Variants in FANCD2 observed in about 807,000 individuals in gnomAD.
The protein encoded by FANCD2 is FA complementation group D2.
Under a neutral mutation model 192.3 loss-of-function variants are expected in FANCD2, and 131 were observed. The observed-to-expected ratio is 0.68, with a 90% confidence interval of 0.59 to 0.79. The LOEUF is 0.79. FANCD2 is among the 30% of genes least tolerant of loss of function. The pLI is 0.00. For missense variants in FANCD2, 1,508 were observed against 1,701.6 expected (o/e 0.89, Z 2.00); for synonymous variants, 524 against 612.5 (o/e 0.86, Z 2.13).
chr3:10,032,803 C>T (rs368366938), intron 2 of FANCD2, 29 bp from the exon 3 acceptor site: 14 of 1,596,514 alleles, frequency 8.8e-6, no homozygotes, highest in Admixed American at 6.7e-5. Context: ...TACTATTTGC[C>T]ATATTCTTGA....
intron 9 of FANCD2, 197 bp downstream of exon 9, chr3:10,040,042 T>TC (rs1274793879): frequency 1.6e-6 from 1 of 619,164 alleles, no homozygotes; most frequent in East Asian, 2.8e-5. Context: ...TCTTTTTTTT[T>TC]TTTTTTTTTT....
chr3:10,078,265 A>C, intron 30 of FANCD2, 68 bp downstream of exon 30: 1 of 1,061,368 alleles, frequency 9.4e-7, no homozygotes. Flanking sequence ...ATTATGATGA[A>C]AAAGTTGTCA....
chr3:10,039,931 G>A (rs1319158123), intron 9 of FANCD2, 86 bp downstream of exon 9: 2 of 1,514,232 alleles, frequency 1.3e-6, no homozygotes, highest in Non-Finnish European at 1.8e-6. Flanking sequence ...TAGTAATATG[G>A]TCTCTTCTAT....
In FANCD2 at chr3:10,063,920, A is replaced by G. The variant is rs2087640562; in HGVS notation, c.1947+9A>G. The G allele has an allele frequency of 1.2e-6, 2 of 1,614,122 alleles. No individual in the cohort carries two copies. Among genetic ancestry groups the G allele is most frequent in the African/African-American group, 2.7e-5 (2 of 74,950 alleles). On this transcript the variant is annotated intron_variant, in intron 21 of 43. Coordinates refer to ENST00000675286, the MANE Select transcript of FANCD2 (RefSeq NM_001018115.3). ...TGGATCCAAAAGCCCTGGTAAAGCC[A>G]ATTGTCTTTTCTTAAAGCAATAAAG...
At chr3:10,040,258 G>C (rs1042864247) in intron 9 of FANCD2, 4 of 322,772 alleles carry the variant, frequency 1.2e-5, no homozygotes, top group African/African-American at 6.6e-5. Context: ...GGATGGTCTC[G>C]ATCTCCTGAC....
chr3:10,038,027 G>A (rs900762486), intron 7 of FANCD2, among the ~76,000 whole-genome samples: 4 of 152,182 alleles, frequency 2.6e-5, no homozygotes, highest in Admixed American at 1.3e-4. Flanking sequence ...ATCTCACTCT[G>A]TTGCCCAGGC....
At chr3:10,032,487 G>A in intron 2 of FANCD2, 2 of 245,494 alleles carry the variant, frequency 8.1e-6, no homozygotes, top group South Asian at 3.5e-5. Context: ...AAGGGGGGGA[G>A]ATGGGGGGGT....
rs1553611885 is a variant in FANCD2 at position 10,069,493 on chromosome 3, C to CG, written c.2494+2177dup. 3.6e-3 allele frequency among the ~76,000 whole-genome samples: 481 copies of CG among 134,160 alleles called. 12 individuals are homozygous for CG. The highest frequency in any genetic ancestry group is 0.015 in the African/African-American group (421 of 28,768). The allele number at this position is 134,160 out of a possible 152,430, so 88.0% of individuals were successfully genotyped here. On this transcript the variant is annotated intron_variant, in intron 26 of 43. Transcript: ENST00000675286. ...CCTCCCCCTCCCCCTCCCCCTCTCCCGTCTCCCTCTGATGCCGAGCCAAAG... is the reference window on the plus strand; with the variant it reads ...CCTCCCCCTCCCCCTCCCCCTCTCCCGGTCTCCCTCTGATGCCGAGCCAAAG...
rs2087590153 is a variant in FANCD2, at chr3:10,062,205, C to T, written c.1821C>T (p.Cys607=). The T allele has an allele frequency of 2.5e-6, 4 of 1,612,250 alleles. No individual in the cohort carries two copies. Among genetic ancestry groups the T allele is most frequent in the Non-Finnish European group, 3.4e-6 (4 of 1,178,934 alleles). The change falls in exon 20 of 44, where the codon TGC becomes TGT. Residue 607 remains cysteine, a synonymous_variant. Transcript: ENST00000675286. ...GAGCCAACCTGAGCGATGAGCAGTG[C>T]ACACAGGTGAGTTCTTTTTTTCCTT... ...QERANLSDEQ[C]TQVTSLLQLV...
At chr3:10,078,529 TA>T (rs1693654041) in intron 30 of FANCD2, among the ~76,000 whole-genome samples, 1 of 151,972 alleles carries the variant, frequency 6.6e-6, no homozygotes, top group African/African-American at 2.4e-5. Context: ...TAATTTTTTG[TA>T]TTTTTTGTAG....
At chr3:10,046,003 G>A (rs1329553330) in intron 14 of FANCD2, among the ~76,000 whole-genome samples, 1 of 149,264 alleles carries the variant, frequency 6.7e-6, no homozygotes, top group East Asian at 1.9e-4. Context: ...ATGTCAAGAT[G>A]TTCAGAGTTA....
In FANCD2 at chr3:10,098,352, G is replaced by T. The variant is rs183529940; in HGVS notation, c.4186-368G>T. Among the ~76,000 whole-genome samples the T allele has an allele frequency of 4.9e-4, 75 of 152,172 alleles. No individual in the cohort carries two copies. The East Asian group carries it at 0.014, about 29-fold the overall frequency. ...CTCACCATACTGTCCTTTAGCCTCC[G>T]CATGGCCATTCGTGCTTGGTGTGAT... On this transcript the variant is annotated intron_variant, in intron 42 of 43. Coordinates refer to ENST00000675286, the MANE Select transcript of FANCD2 (RefSeq NM_001018115.3).
intron 16 of FANCD2, 133 bp downstream of exon 16, chr3:10,048,184 G>A (rs1271307762): frequency 8.6e-7 from 1 of 1,161,512 alleles, no homozygotes; most frequent in Non-Finnish European, 1.3e-6. Flanking sequence ...CTCAATTCTA[G>A]TCCCAGCCTT....
chr3:10,074,615 C>A lies in FANCD2; in HGVS notation c.2801C>A (p.Ser934Tyr). Residue 934 changes from serine to tyrosine, a missense_variant, in exon 29 of 44, where the codon TCT becomes TAT. By Grantham distance (144) the Ser-to-Tyr change is moderately radical. Transcript: ENST00000675286. ...CGAGAGCTGGACATTGAGGTCTTCT[C>A]TATTCTACATTGTGGACTTGTGACG... ...FFRELDIEVF[S>Y]ILHCGLVTKF... 1 of 1,613,714 alleles carries A rather than the reference C, an allele frequency of 6.2e-7. No homozygotes were observed.
intron 18 of FANCD2, among the ~76,000 whole-genome samples, chr3:10,054,425 A>T (rs1438187576): frequency 1.3e-5 from 1 of 78,934 alleles, no homozygotes; most frequent in Non-Finnish European, 2.1e-5. Flanking sequence ...ATACATATAT[A>T]CATGTATATA....
chr3:10,089,951 A>T (rs946807896), intron 36 of FANCD2, among the ~76,000 whole-genome samples: 1 of 152,138 alleles, frequency 6.6e-6, no homozygotes, highest in African/African-American at 2.4e-5. Flanking sequence ...CCCCTATTTT[A>T]CTGCTGAGGA....
intron 16 of FANCD2, among the ~76,000 whole-genome samples, chr3:10,048,337 C>T (rs1366553055): frequency 1.4e-5 from 2 of 145,392 alleles, no homozygotes; most frequent in Non-Finnish European, 3.0e-5. Flanking sequence ...TGGTTTTGCT[C>T]TTCATGCCCA....
chr3:10,075,160 A>G (rs766049281), intron 29 of FANCD2, among the ~76,000 whole-genome samples: 3 of 152,108 alleles, frequency 2.0e-5, no homozygotes, highest in Non-Finnish European at 2.9e-5. Context: ...AATAGCTAGC[A>G]ATACGGTAGC....
chr3:10,042,125 G>A (rs973137292), intron 10 of FANCD2, among the ~76,000 whole-genome samples: 7 of 151,844 alleles, frequency 4.6e-5, no homozygotes, highest in African/African-American at 7.3e-5. Context: ...CTTGAACTCC[G>A]GACCTTGTTT....
Sources: allele counts gnomAD v4.1 joint callset (sites outside exome capture counted in the v4.1 genomes callset), GRCh38; gene constraint gnomAD v4.1.1; transcripts MANE v1.5; gene names NCBI Gene and HGNC (gene_info 2026-07-23, HGNC 2026-07-21).